PTPRD: variants seen among roughly 807,000 people sequenced by gnomAD.
PTPRD encodes the protein receptor-type tyrosine-protein phosphatase delta.
PTPRD carries 34 observed loss-of-function variants against 214.5 expected under a neutral mutation model. That is an observed-to-expected ratio of 0.16 (90% CI 0.12 to 0.21). The LOEUF (loss-of-function observed/expected upper bound fraction) is 0.21. Ranked by LOEUF, PTPRD falls within the 10% of genes least tolerant of loss-of-function variation. PTPRD has a pLI of 1.00. For missense variants in PTPRD, 2,545 were observed against 2,398.7 expected (o/e 1.06, Z -1.27); for synonymous variants, 1,128 against 845.7 (o/e 1.33, Z -5.79).
chr9:9,719,907 A>C (rs2097905931), intron 7 of PTPRD, among the ~76,000 whole-genome samples: 1 of 152,192 alleles, frequency 6.6e-6, no homozygotes, highest in Admixed American at 6.5e-5. Context: ...TAGTGCGTGG[A>C]GCTGCCAGCG....
intron 2 of PTPRD, among the ~76,000 whole-genome samples, chr9:10,510,083 C>G (rs556018066): frequency 1.5e-3 from 235 of 152,064 alleles, no homozygotes; most frequent in African/African-American, 5.5e-3. Context: ...AACCAGTAAC[C>G]CTTTAAGGAT....
At chr9:10,217,690 A>T (rs2154346523) in intron 3 of PTPRD, among the ~76,000 whole-genome samples, 1 of 152,108 alleles carries the variant, frequency 6.6e-6, no homozygotes, top group Non-Finnish European at 1.5e-5. Flanking sequence ...GTAAGGTCAC[A>T]TCATCATAGT....
In PTPRD at chr9:10,230,388, A is replaced by G. The variant is rs563146732; in HGVS notation, c.-545+110575T>C. 5.3e-5 allele frequency among the ~76,000 whole-genome samples: 8 copies of G among 151,700 alleles called. No homozygotes were observed. The South Asian group carries it at 1.7e-3, about 32-fold the overall frequency. On this transcript the variant is annotated intron_variant, in intron 3 of 45. Coordinates refer to ENST00000381196, the MANE Select transcript of PTPRD (RefSeq NM_002839.4). ...ATCTTCTTAGTCTTTTCTTACCAAA[A>G]CAGCTATCTATCTCTCTATGTATCT... is the stretch of plus-strand genomic sequence containing the variant.
chr9:8,805,421 T>C (rs1448280609), intron 11 of PTPRD, among the ~76,000 whole-genome samples: 1 of 152,134 alleles, frequency 6.6e-6, no homozygotes, highest in African/African-American at 2.4e-5. Context: ...GAAAATATTA[T>C]GCACATCATC....
chr9:9,212,132 G>A (rs1569562775), intron 9 of PTPRD, among the ~76,000 whole-genome samples: 1 of 152,022 alleles, frequency 6.6e-6, no homozygotes, highest in Non-Finnish European at 1.5e-5. Flanking sequence ...CACTGAGAGG[G>A]ATAAAGATGT....
intron 10 of PTPRD, among the ~76,000 whole-genome samples, chr9:9,061,938 G>T (rs1246645547): frequency 4.6e-5 from 7 of 151,808 alleles, no homozygotes; most frequent in African/African-American, 1.7e-4. Context: ...CTGCTCTGGG[G>T]GATAATGGCC....
chr9:9,808,649 G>A (rs188468884), intron 5 of PTPRD, among the ~76,000 whole-genome samples: 7 of 152,086 alleles, frequency 4.6e-5, no homozygotes, highest in Admixed American at 1.3e-4. Flanking sequence ...AAATAAAATC[G>A]TTTAAAAGAT....
At chr9:8,927,440 T>C (rs1401890076) in intron 11 of PTPRD, among the ~76,000 whole-genome samples, 2 of 152,108 alleles carry the variant, frequency 1.3e-5, no homozygotes, top group African/African-American at 2.4e-5. Context: ...CTCCCACTTA[T>C]GAGTGAGAAC....
At chr9:9,779,684 T>C (rs2098827772) in intron 5 of PTPRD, among the ~76,000 whole-genome samples, 1 of 152,192 alleles carries the variant, frequency 6.6e-6, no homozygotes, top group African/African-American at 2.4e-5. Flanking sequence ...AGAATGGCTA[T>C]TATTAAAAAG....
At chr9:8,921,793 C>T (rs1344277205) in intron 11 of PTPRD, among the ~76,000 whole-genome samples, 1 of 152,118 alleles carries the variant, frequency 6.6e-6, no homozygotes, top group African/African-American at 2.4e-5. Flanking sequence ...CACAGCTAGC[C>T]TCCCAATAAA....
intron 18 of PTPRD, 34 bp downstream of exon 18, chr9:8,524,891 T>C: frequency 1.3e-6 from 2 of 1,577,436 alleles, no homozygotes; most frequent in Non-Finnish European, 1.7e-6. Flanking sequence ...TGAGCCTGAA[T>C]GAAGAAGCGA....
At chr9:8,762,233 G>C (rs1012174388) in intron 11 of PTPRD, among the ~76,000 whole-genome samples, 6 of 152,018 alleles carry the variant, frequency 3.9e-5, no homozygotes, top group African/African-American at 1.4e-4. Context: ...TAATTTCATG[G>C]AGGCAAGAGA....
At chr9:8,537,432 T>C (rs559648585) in intron 14 of PTPRD, among the ~76,000 whole-genome samples, 20 of 152,058 alleles carry the variant, frequency 1.3e-4, no homozygotes, top group African/African-American at 4.6e-4. Flanking sequence ...ATGAACAAGA[T>C]ACAAAAATTT....
intron 11 of PTPRD, among the ~76,000 whole-genome samples, chr9:8,983,734 G>C (rs895113624): frequency 6.6e-6 from 1 of 151,582 alleles, no homozygotes; most frequent in Non-Finnish European, 1.5e-5. Context: ...CCAAGGCTGA[G>C]CTCAAACTCC....
At chr9:9,725,313 GC>G (rs2098064621) in intron 7 of PTPRD, among the ~76,000 whole-genome samples, 1 of 96,204 alleles carries the variant, frequency 1.0e-5, no homozygotes, top group Non-Finnish European at 2.0e-5. Context: ...CCCTGCACAA[GC>G]TTTTTTTTTT....
intron 3 of PTPRD, among the ~76,000 whole-genome samples, chr9:10,247,457 A>C (rs901961783): frequency 2.6e-5 from 4 of 152,338 alleles, no homozygotes; most frequent in East Asian, 3.9e-4. Context: ...GTAACTTTTA[A>C]ACATGTTTTA....
At chr9:9,338,982 T>G (rs1389972361) in intron 9 of PTPRD, among the ~76,000 whole-genome samples, 2 of 152,188 alleles carry the variant, frequency 1.3e-5, no homozygotes, top group Non-Finnish European at 2.9e-5. Context: ...TTCCTGCTAC[T>G]TTAAGGATGA....
chr9:9,855,876 A>T (rs909270220), intron 5 of PTPRD, among the ~76,000 whole-genome samples: 4 of 152,192 alleles, frequency 2.6e-5, no homozygotes, highest in African/African-American at 9.6e-5. Flanking sequence ...CTAGCAGCTC[A>T]GTGGGTCATC....
At chr9:8,485,581 G>A in intron 28 of PTPRD, 181 bp downstream of exon 28, 1 of 662,904 alleles carries the variant, frequency 1.5e-6, no homozygotes, top group South Asian at 2.0e-5. Context: ...AGACTTGCTT[G>A]ACATTCTATA....
Sources: allele counts gnomAD v4.1 joint callset (sites outside exome capture counted in the v4.1 genomes callset), GRCh38; gene constraint gnomAD v4.1.1; transcripts MANE v1.5; gene names NCBI Gene and HGNC (gene_info 2026-07-23, HGNC 2026-07-21).